The following RPN2 variants were observed in gnomAD, a reference collection of about 807,000 sequenced individuals.
RPN2 encodes dolichyl-diphosphooligosaccharide--protein glycosyltransferase subunit 2.
In RPN2, 29 loss-of-function variants were observed where a neutral mutation model predicts 71.4. That is an observed-to-expected ratio of 0.41 (90% confidence interval 0.30 to 0.55). The LOEUF is 0.55. Ranked by LOEUF, RPN2 falls within the 20% of genes least tolerant of loss-of-function variation. RPN2 has a pLI of 0.35. For synonymous variants in RPN2, 308 were observed against 305.0 expected (o/e 1.01, Z -0.10); for missense variants, 726 against 774.1 (o/e 0.94, Z 0.74).
At chr20:37,204,734 G>T in intron 5 of RPN2, 33 bp from the exon 6 acceptor site, 1 of 1,613,398 alleles carries the variant, frequency 6.2e-7, no homozygotes, top group South Asian at 1.1e-5. Flanking sequence ...GCTGTTACTT[G>T]ACATCCAGCA....
chr20:37,217,330 G>C (rs976604000), intron 9 of RPN2, among the ~76,000 whole-genome samples: 1 of 150,042 alleles, frequency 6.7e-6, no homozygotes, highest in Non-Finnish European at 1.5e-5. Context: ...GTCTCGCTCT[G>C]TCACCAGGCT....
At chr20:37,179,711 C>T (rs897537791) in intron 1 of RPN2, 2 of 261,690 alleles carry the variant, frequency 7.6e-6, no homozygotes, top group Non-Finnish European at 1.5e-5. Context: ...AGGTTCTGGT[C>T]CCGGCGCTGC....
At chr20:37,231,049 GA>G (rs1453428129) in intron 13 of RPN2, among the ~76,000 whole-genome samples, 1 of 151,916 alleles carries the variant, frequency 6.6e-6, no homozygotes, top group Non-Finnish European at 1.5e-5. Flanking sequence ...TACGTTGGAG[GA>G]AAAATCTTTT....
intron 3 of RPN2, among the ~76,000 whole-genome samples, 156 bp downstream of exon 3, chr20:37,198,648 A>G (rs905711161): frequency 6.6e-6 from 1 of 151,006 alleles, no homozygotes. Flanking sequence ...TTAAGAAAGT[A>G]TAGTTTATGT....
At chr20:37,233,308 A>G (rs1265240793) in intron 14 of RPN2, among the ~76,000 whole-genome samples, 1 of 151,944 alleles carries the variant, frequency 6.6e-6, no homozygotes, top group Non-Finnish European at 1.5e-5. Context: ...AGTAACTTTT[A>G]CCTTTTCTCC....
chr20:37,199,185 G>A lies in RPN2; in HGVS notation c.439G>A (p.Ala147Thr), dbSNP rs563539009. Residue 147 changes from alanine to threonine, a missense_variant, in exon 4 of 17, where the codon GCC (alanine) becomes ACC (threonine). Transcript: ENST00000237530. ...LPLASQEALSALTARLSKEET... is the reference protein window; with the variant it reads ...LPLASQEALSTLTARLSKEET... ...CTTGGCATCCCAAGAAGCACTCAGT[G>A]CCCTTACTGCTCGTCTCAGCAAGGA... 56 of 1,614,156 alleles carry A rather than the reference G, an allele frequency of 3.5e-5. 1 individual carries two copies. In the South Asian group the frequency reaches 5.9e-4, roughly 17 times the overall value.
chr20:37,211,527 G>A (rs1164864443), intron 8 of RPN2, among the ~76,000 whole-genome samples: 1 of 151,168 alleles, frequency 6.6e-6, no homozygotes, highest in African/African-American at 2.4e-5. Flanking sequence ...TGTATTCCCA[G>A]CTACTCCGGA....
At chr20:37,234,803 C>T (rs1184115463) in intron 15 of RPN2, among the ~76,000 whole-genome samples, 4 of 151,958 alleles carry the variant, frequency 2.6e-5, no homozygotes, top group African/African-American at 9.7e-5. Context: ...ACCTCAGCCT[C>T]CAGAGCAGCT....
chr20:37,228,407 C>T (rs1600834347), intron 11 of RPN2, 143 bp from the exon 12 acceptor site: 1 of 782,204 alleles, frequency 1.3e-6, no homozygotes. Context: ...ACTCCTTCTA[C>T]TCTCTGGGGC....
chr20:37,188,977 G>A (rs376869341), intron 2 of RPN2, among the ~76,000 whole-genome samples: 1 of 150,988 alleles, frequency 6.6e-6, no homozygotes, highest in African/African-American at 2.4e-5. Flanking sequence ...ACTGTCATCC[G>A]GGCTGGAGTG....
At chr20:37,184,037 G>A in intron 1 of RPN2, 143 bp from the exon 2 acceptor site, 3 of 931,406 alleles carry the variant, frequency 3.2e-6, no homozygotes, top group Non-Finnish European at 5.1e-6. Context: ...CCTTCCCAAG[G>A]CTTCTCCTCA....
intron 4 of RPN2, 69 bp downstream of exon 4, chr20:37,199,294 A>G: frequency 6.3e-7 from 1 of 1,577,190 alleles, no homozygotes; most frequent in Non-Finnish European, 8.6e-7. Context: ...GGGCTCATTC[A>G]TTGGTTCAGC....
In RPN2 at chr20:37,223,861, TCTC is replaced by T. The variant is rs2068016045; in HGVS notation, c.1093-16_1093-14del. The T allele has an allele frequency of 5.6e-6, 9 of 1,610,592 alleles. No homozygotes were observed. In the East Asian group the frequency reaches 2.0e-4, roughly 36 times the overall value. Reference sequence around the variant, plus strand: ...CCACCAATTGACCTGGCAACTGTCTTCTCTATTTTCCTCTAGCTCAGAGTCAAG... The same window carrying T: ...CCACCAATTGACCTGGCAACTGTCTTTATTTTCCTCTAGCTCAGAGTCAAG... On this transcript the variant is annotated splice_polypyrimidine_tract_variant and intron_variant, in intron 9 of 16. Transcript: ENST00000237530.
At chr20:37,214,198 G>A (rs987248740) in intron 9 of RPN2, among the ~76,000 whole-genome samples, 10 of 152,178 alleles carry the variant, frequency 6.6e-5, no homozygotes, top group African/African-American at 2.4e-4. Flanking sequence ...AAAGTGTTTT[G>A]TGTGATAGGC....
chr20:37,196,440 A>G (rs571360277), intron 2 of RPN2, among the ~76,000 whole-genome samples: 1 of 152,182 alleles, frequency 6.6e-6, no homozygotes, highest in African/African-American at 2.4e-5. Context: ...TCACCGTGTT[A>G]GCCAGGATGG....
chr20:37,220,428 G>A (rs191232253), intron 9 of RPN2, among the ~76,000 whole-genome samples: 12 of 152,124 alleles, frequency 7.9e-5, no homozygotes, highest in Admixed American at 6.5e-4. Context: ...GGGAAGCATC[G>A]GTTTTGGACG....
chr20:37,217,432 A>G (rs1405343266), intron 9 of RPN2, among the ~76,000 whole-genome samples: 2 of 151,822 alleles, frequency 1.3e-5, no homozygotes, highest in East Asian at 3.9e-4. Context: ...AGCTGGGGCT[A>G]CAGGCACGCG....
chr20:37,180,895 C>T (rs2066852204), intron 1 of RPN2, among the ~76,000 whole-genome samples: 1 of 152,134 alleles, frequency 6.6e-6, no homozygotes. Flanking sequence ...CACAGTAATA[C>T]CATTAGAGTG....
At chr20:37,236,196 G>T (rs2068384178) in intron 15 of RPN2, among the ~76,000 whole-genome samples, 1 of 152,044 alleles carries the variant, frequency 6.6e-6, no homozygotes, top group Non-Finnish European at 1.5e-5. Flanking sequence ...AGGCTCAAGC[G>T]ATCTTCCTAC....
Sources: gnomAD v4.1 joint callset for allele counts (sites outside exome capture counted in the v4.1 genomes callset) on GRCh38, gnomAD v4.1.1 for gene constraint, MANE v1.5 for transcripts, NCBI Gene and HGNC (gene_info 2026-07-23, HGNC 2026-07-21) for gene names.